KLHL15: variants seen among roughly 807,000 people sequenced by gnomAD.
KLHL15 encodes the protein kelch like family member 15.
Under a neutral mutation model 29.3 loss-of-function variants are expected in KLHL15, and 1 was observed. The observed-to-expected ratio is 0.03, with a 90% CI of 0.01 to 0.16. The LOEUF is 0.16. Ranked by LOEUF, KLHL15 falls within the 10% of genes least tolerant of loss-of-function variation. The pLI is 1.00. For synonymous variants in KLHL15, 212 were observed against 184.5 expected (o/e 1.15, Z -1.21); for missense variants, 215 against 478.5 (o/e 0.45, Z 5.14).
chrX:24,024,180 TAGG>T (rs1929870488), intron 2 of KLHL15, among the ~76,000 whole-genome samples: 1 of 111,868 alleles, frequency 8.9e-6, no homozygotes, highest in Admixed American at 9.6e-5. Flanking sequence ...TAGCACTTCG[TAGG>T]AGGAAGGCCA....
At chrX:24,007,462 C>T (rs1233986697) in intron 2 of KLHL15, among the ~76,000 whole-genome samples, 1 of 92,829 alleles carries the variant, frequency 1.1e-5, no homozygotes, top group Non-Finnish European at 2.1e-5. Context: ...CACTACATGC[C>T]AGCCTGGGAG....
Position 23,985,217 on chromosome X carries a change from AAC to A in KLHL15, c.*2702_*2703del, listed in dbSNP as rs1235403718. On this transcript the variant is annotated 3_prime_UTR_variant, in exon 4 of 4. Coordinates refer to ENST00000328046, the MANE Select transcript of KLHL15 (RefSeq NM_030624.3). ...TGAAAACAACACGCATAAAGGTCAT[AAC>A]AGTTAAACTGTATAGATTCAAATCT... 8.9e-6 allele frequency: 1 copy of A among 111,940 alleles called. No individual in the cohort carries two copies. Among genetic ancestry groups the A allele is most frequent in the Non-Finnish European group, 1.9e-5 (1 of 53,192 alleles). 9.2% of individuals were successfully genotyped at this position (111,940 alleles called of 1,213,427 possible).
At chrX:23,997,754 A>AT (rs1555975595) in intron 3 of KLHL15, among the ~76,000 whole-genome samples, 1,677 of 66,971 alleles carry the variant, frequency 0.025, 141 homozygotes, top group African/African-American at 0.11. Context: ...AAAAAAAAAA[A>AT]TTTTTTTTTT....
rs1289742023 is a variant in KLHL15, at chrX:23,986,454, AAATGGCATC to A, written c.*1458_*1466del. 1 of 112,436 alleles carries A rather than the reference AAATGGCATC, an allele frequency of 8.9e-6. No individual in the cohort carries two copies. Among genetic ancestry groups the A allele is most frequent in the Non-Finnish European group, 1.9e-5 (1 of 53,208 alleles). 9.3% of individuals were successfully genotyped at this position (112,436 alleles called of 1,213,427 possible). ...TATCAGATATAGACTACTCATGCGC[AAATGGCATC>A]AATTTCAATGATCCACTCCCAGGTT... On this transcript the variant is annotated 3_prime_UTR_variant, in exon 4 of 4. Transcript: ENST00000328046.
At chrX:23,995,908 C>T (rs911443684) in intron 3 of KLHL15, among the ~76,000 whole-genome samples, 3 of 110,651 alleles carry the variant, frequency 2.7e-5, no homozygotes, top group African/African-American at 6.6e-5. Flanking sequence ...CCACCATGCC[C>T]GGCTAATTTT....
intron 1 of KLHL15, among the ~76,000 whole-genome samples, chrX:24,025,531 T>G (rs1382050091): frequency 5.6e-5 from 5 of 90,022 alleles, no homozygotes; most frequent in African/African-American, 1.2e-4. Flanking sequence ...GGGCGGAGGG[T>G]GGGAAGCCGT....
chrX:24,005,978 A>AAT lies in KLHL15; in HGVS notation c.705+9_705+10dup, dbSNP rs746481043. ...TGATGAGTACTGTCTATTGCTTTCA[A>AAT]ATGCACTAACCTTCTCAAAAACGCT... is the stretch of plus-strand genomic sequence containing the variant. On this transcript the variant is annotated intron_variant, in intron 3 of 3. Coordinates refer to ENST00000328046, the MANE Select transcript of KLHL15 (RefSeq NM_030624.3). 17 of 1,183,803 alleles carry AAT rather than the reference A, an allele frequency of 1.4e-5. No individual in the cohort carries two copies. The highest frequency in any genetic ancestry group is 1.9e-5 in the Non-Finnish European group (17 of 874,168).
At chrX:24,016,039 T>C (rs1401336039) in intron 2 of KLHL15, among the ~76,000 whole-genome samples, 2 of 106,643 alleles carry the variant, frequency 1.9e-5, no homozygotes, top group Non-Finnish European at 3.9e-5. Context: ...AAGTGTAAAA[T>C]CTAAAACTTT....
At chrX:24,002,305 T>C (rs1231503485) in intron 3 of KLHL15, among the ~76,000 whole-genome samples, 8 of 112,106 alleles carry the variant, frequency 7.1e-5, no homozygotes, top group African/African-American at 2.6e-4. Flanking sequence ...AAATTCAGAA[T>C]GACAAATGTC....
intron 3 of KLHL15, among the ~76,000 whole-genome samples, chrX:23,993,022 A>C (rs188161023): frequency 9.5e-6 from 1 of 105,741 alleles, no homozygotes; most frequent in African/African-American, 3.6e-5. Flanking sequence ...TAACAAAGAG[A>C]AACAACCCTA....
In KLHL15 at chrX:24,022,639, T is replaced by TAA. The variant is rs34810589; in HGVS notation, c.-8+2216_-8+2217dup. On this transcript the variant is annotated intron_variant, in intron 2 of 3. Coordinates refer to ENST00000328046, the MANE Select transcript of KLHL15 (RefSeq NM_030624.3). ...GGGCGACAGAACAAGACTCTTGTCT[T>TAA]AAAAAAAAAAAAAAAGTCGTTAAAG... Among the ~76,000 whole-genome samples the TAA allele has an allele frequency of 7.5e-3, 676 of 90,694 alleles. 6 individuals carry two copies. Among genetic ancestry groups the TAA allele is most frequent in the African/African-American group, 0.017 (406 of 24,484 alleles). The allele number at this position is 90,694 out of a possible 115,157, so 78.8% of individuals were successfully genotyped here.
chrX:24,015,610 G>A (rs1184931169), intron 2 of KLHL15, among the ~76,000 whole-genome samples: 1 of 112,637 alleles, frequency 8.9e-6, no homozygotes, highest in Admixed American at 9.4e-5. Flanking sequence ...TAAGGGTATA[G>A]GTCTGGCGTC....
chrX:23,993,597 G>A (rs1245410035), intron 3 of KLHL15, among the ~76,000 whole-genome samples: 2 of 110,946 alleles, frequency 1.8e-5, no homozygotes, highest in Non-Finnish European at 3.8e-5. Context: ...GGTAGGGTGA[G>A]GTGACTGGAA....
intron 3 of KLHL15, among the ~76,000 whole-genome samples, chrX:23,991,587 A>T (rs1202846806): frequency 8.9e-6 from 1 of 111,860 alleles, no homozygotes; most frequent in Admixed American, 9.5e-5. Context: ...CATGCCTGTG[A>T]TCCCAGCACT....
chrX:23,991,348 T>C lies in KLHL15; in HGVS notation c.706-2318A>G, dbSNP rs1929079979. ...AGCCTGGGTAATAAGAACAAAACTCTGTCTCAAAAAAAAAAAAAAAAAAGC... is the reference window on the plus strand; with the variant it reads ...AGCCTGGGTAATAAGAACAAAACTCCGTCTCAAAAAAAAAAAAAAAAAAGC... On this transcript the variant is annotated intron_variant, in intron 3 of 3. Coordinates refer to ENST00000328046, the MANE Select transcript of KLHL15 (RefSeq NM_030624.3). Among the ~76,000 whole-genome samples, 2 of 78,546 alleles carry C rather than the reference T, an allele frequency of 2.5e-5. 1 individual carries two copies. The highest frequency in any genetic ancestry group is 2.9e-4 in the Admixed American group (2 of 6,815). The allele number at this position is 78,546 out of a possible 115,157, so 68.2% of individuals were successfully genotyped here.
chrX:23,995,594 C>G (rs1438192301), intron 3 of KLHL15, among the ~76,000 whole-genome samples: 1 of 110,179 alleles, frequency 9.1e-6, no homozygotes, highest in Non-Finnish European at 1.9e-5. Flanking sequence ...ACGGTATATA[C>G]AAATTACCTT....
chrX:24,013,270 T>TG (rs1929610480), intron 2 of KLHL15, among the ~76,000 whole-genome samples: 1 of 107,096 alleles, frequency 9.3e-6, no homozygotes, highest in South Asian at 4.0e-4. Flanking sequence ...TAAAAAAAAA[T>TG]TTTTTTTTTT....
intron 2 of KLHL15, 117 bp from the exon 3 acceptor site, chrX:24,006,817 T>C: frequency 1.9e-6 from 1 of 531,639 alleles, no homozygotes; most frequent in Admixed American, 4.0e-5. Context: ...AAGTCCAAAA[T>C]GTACAAGTCC....
intron 3 of KLHL15, among the ~76,000 whole-genome samples, chrX:24,003,569 A>C (rs1445096185): frequency 1.9e-5 from 2 of 107,623 alleles, no homozygotes; most frequent in East Asian, 5.7e-4. Flanking sequence ...AACCAAAAAA[A>C]AAAAAACAAA....
Sources: gnomAD v4.1 joint callset for allele counts (sites outside exome capture counted in the v4.1 genomes callset) on GRCh38, gnomAD v4.1.1 for gene constraint, MANE v1.5 for transcripts, NCBI Gene and HGNC (gene_info 2026-07-23, HGNC 2026-07-21) for gene names.